The following SEC11A variants were observed in gnomAD, a reference collection of about 807,000 sequenced individuals.
SEC11A encodes the protein signal peptidase complex catalytic subunit SEC11A.
Under a neutral mutation model 25.6 loss-of-function variants are expected in SEC11A, and 14 were observed. That is an observed-to-expected ratio of 0.55 (90% confidence interval 0.36 to 0.85). The LOEUF (loss-of-function observed/expected upper bound fraction) is 0.85, where lower values mean the gene tolerates loss of function less well. Among genes scored for constraint, SEC11A ranks in the 40% least tolerant of loss-of-function variants. The probability of loss-of-function intolerance (pLI) is 0.01; values close to 1 mark genes in which losing one functional copy is unlikely to be tolerated. For missense variants in SEC11A, 153 were observed against 222.9 expected (o/e 0.69, Z 2.00); for synonymous variants, 83 against 76.4 (o/e 1.09, Z -0.45).
chr15:84,679,772 T>C (rs1423372934), intron 4 of SEC11A, among the ~76,000 whole-genome samples: 1 of 152,226 alleles, frequency 6.6e-6, no homozygotes, highest in East Asian at 1.9e-4. Flanking sequence ...AGAATGGGAA[T>C]ATTAGGGTTG....
chr15:84,689,955 T>C (rs1271876686), intron 2 of SEC11A, among the ~76,000 whole-genome samples: 2 of 152,058 alleles, frequency 1.3e-5, no homozygotes, highest in African/African-American at 2.4e-5. Flanking sequence ...TAAAAATGAG[T>C]TACTAAATTA....
intron 4 of SEC11A, among the ~76,000 whole-genome samples, chr15:84,675,502 T>C (rs1207209082): frequency 3.3e-5 from 5 of 152,172 alleles, no homozygotes; most frequent in African/African-American, 1.2e-4. Context: ...AGTAAGAGAA[T>C]ATGCGATGAC....
intron 4 of SEC11A, among the ~76,000 whole-genome samples, chr15:84,677,439 A>G (rs1340557184): frequency 6.6e-6 from 1 of 151,268 alleles, no homozygotes; most frequent in Admixed American, 6.6e-5. Flanking sequence ...TTTTAAAAAT[A>G]GCATTAAATA....
chr15:84,704,789 C>A (rs1399873894), intron 1 of SEC11A, among the ~76,000 whole-genome samples: 1 of 152,182 alleles, frequency 6.6e-6, no homozygotes, highest in Non-Finnish European at 1.5e-5. Context: ...GGCAGCCAAA[C>A]CCTCACCAAA....
intron 3 of SEC11A, chr15:84,686,934 G>C (rs1350913302): frequency 6.6e-6 from 1 of 152,166 alleles, no homozygotes; most frequent in Non-Finnish European, 1.5e-5. Context: ...GTGCAGTGCT[G>C]CAATCTTGGC....
chr15:84,700,960 G>A (rs1406094461), intron 1 of SEC11A, among the ~76,000 whole-genome samples: 1 of 139,102 alleles, frequency 7.2e-6, no homozygotes, highest in African/African-American at 2.8e-5. Context: ...CTCCTACCTG[G>A]GCAACAAGAG....
intron 1 of SEC11A, among the ~76,000 whole-genome samples, chr15:84,700,593 C>CAAAAAAAAAAAAAAAAAAAAA (rs776113920): frequency 5.5e-5 from 2 of 36,102 alleles, no homozygotes; most frequent in African/African-American, 1.3e-4. Context: ...GACTCTGTCT[C>CAAAAAAAAAAAAAAAAAAAAA]AAAAAAAAAA....
chr15:84,709,228 C>T (rs1391516654), intron 1 of SEC11A, among the ~76,000 whole-genome samples: 2 of 151,848 alleles, frequency 1.3e-5, no homozygotes, highest in African/African-American at 4.8e-5. Context: ...TGGGGCCTCA[C>T]TATGTTGACC....
At chr15:84,671,038 G>A (rs1896970770) in intron 4 of SEC11A, 1 of 300,434 alleles carries the variant, frequency 3.3e-6, no homozygotes, top group African/African-American at 2.2e-5. Context: ...GCACCAGATA[G>A]AGCCAAGGTC....
intron 4 of SEC11A, among the ~76,000 whole-genome samples, chr15:84,678,007 C>A (rs955700244): frequency 6.6e-6 from 1 of 152,034 alleles, no homozygotes; most frequent in Admixed American, 6.6e-5. Flanking sequence ...ACCAGCCTGG[C>A]CAACATGGCG....
chr15:84,687,299 C>G (rs1310966667), intron 3 of SEC11A, among the ~76,000 whole-genome samples: 3 of 152,180 alleles, frequency 2.0e-5, no homozygotes, highest in African/African-American at 7.2e-5. Flanking sequence ...TAGGCGTGAG[C>G]CACTGTGCCC....
chr15:84,703,359 T>C (rs1898004383), intron 1 of SEC11A, among the ~76,000 whole-genome samples: 1 of 152,166 alleles, frequency 6.6e-6, no homozygotes, highest in African/African-American at 2.4e-5. Context: ...GGCTCAAGCA[T>C]GTCTTGAAGA....
chr15:84,711,434 T>G (rs1222158444), intron 1 of SEC11A, among the ~76,000 whole-genome samples: 1 of 151,486 alleles, frequency 6.6e-6, no homozygotes, highest in African/African-American at 2.4e-5. Flanking sequence ...CTCATACTAA[T>G]CAGTGGTGTG....
chr15:84,711,816 A>G (rs950249013), intron 1 of SEC11A, among the ~76,000 whole-genome samples: 2 of 151,724 alleles, frequency 1.3e-5, no homozygotes, highest in African/African-American at 4.8e-5. Context: ...CCGTACTCCA[A>G]ACAAAGGTAA....
At chr15:84,712,653 G>A (rs1387919977) in intron 1 of SEC11A, among the ~76,000 whole-genome samples, 1 of 151,752 alleles carries the variant, frequency 6.6e-6, no homozygotes, top group Non-Finnish European at 1.5e-5. Flanking sequence ...TCACCATGTT[G>A]GCCAGGCTGG....
At chr15:84,687,879 C>G (rs960051861) in intron 2 of SEC11A, 105 bp from the exon 3 acceptor site, 14 of 886,952 alleles carry the variant, frequency 1.6e-5, no homozygotes, top group Non-Finnish European at 2.0e-5. Context: ...TGGGAGTATA[C>G]TCAATACCCT....
intron 3 of SEC11A, among the ~76,000 whole-genome samples, chr15:84,685,442 TA>T (rs373839461): frequency 0.054 from 7,590 of 141,174 alleles, 281 homozygotes; most frequent in African/African-American, 0.066. Context: ...TTTTTTTTTT[TA>T]TTTGTAGAGA....
chr15:84,701,611 T>G (rs965732129), intron 1 of SEC11A, among the ~76,000 whole-genome samples: 1 of 151,794 alleles, frequency 6.6e-6, no homozygotes, highest in Non-Finnish European at 1.5e-5. Flanking sequence ...CTTGGATAAA[T>G]AAAACAACGT....
At chr15:84,693,065 C>T (rs894104960) in intron 1 of SEC11A, among the ~76,000 whole-genome samples, 10 of 152,098 alleles carry the variant, frequency 6.6e-5, no homozygotes, top group Non-Finnish European at 5.9e-5. Context: ...TCAAGCAATC[C>T]GCCTACTTCA....
Sources: gnomAD v4.1 joint callset for allele counts (sites outside exome capture counted in the v4.1 genomes callset) on GRCh38, gnomAD v4.1.1 for gene constraint, MANE v1.5 for transcripts, NCBI Gene and HGNC (gene_info 2026-07-23, HGNC 2026-07-21) for gene names.